NTM: variants seen among roughly 807,000 people sequenced by gnomAD.
NTM encodes neurotrimin, also known as IgLON family member 2.
In NTM, 13 loss-of-function variants were observed where a neutral mutation model predicts 42.1. The ratio of observed to expected loss-of-function variants is 0.31; its 90% CI spans 0.20 to 0.49. The LOEUF (loss-of-function observed/expected upper bound fraction) is 0.49. Among genes scored for constraint, NTM ranks in the 20% least tolerant of loss-of-function variants. The probability of loss-of-function intolerance (pLI) is 0.99; values close to 1 mark genes in which losing one functional copy is unlikely to be tolerated. For synonymous variants in NTM, 187 were observed against 179.2 expected, an observed-to-expected ratio of 1.04 and a Z score of -0.35; for missense variants, 373 against 452.8, an observed-to-expected ratio of 0.82 and a Z score of 1.60.
chr11:131,737,186 C>T (rs1012059884), intron 1 of NTM, among the ~76,000 whole-genome samples: 1 of 152,148 alleles, frequency 6.6e-6, no homozygotes, highest in Non-Finnish European at 1.5e-5. Flanking sequence ...GCTCATTTAA[C>T]GGAAGAGAAT....
At chr11:132,319,236 G>C (rs375000580) in intron 7 of NTM, among the ~76,000 whole-genome samples, 1 of 152,146 alleles carries the variant, frequency 6.6e-6, no homozygotes, top group East Asian at 1.9e-4. Flanking sequence ...CTGAGGTACC[G>C]GGTTCATCTC....
intron 4 of NTM, among the ~76,000 whole-genome samples, chr11:132,212,729 G>C (rs2083072571): frequency 6.6e-6 from 1 of 152,162 alleles, no homozygotes; most frequent in Admixed American, 6.5e-5. Context: ...GTGTTGTTTT[G>C]TGCTTTCATG....
intron 1 of NTM, among the ~76,000 whole-genome samples, chr11:131,618,584 G>A (rs2062191434): frequency 2.0e-5 from 3 of 152,172 alleles, no homozygotes; most frequent in Admixed American, 6.5e-5. Flanking sequence ...AGAGAGGTGG[G>A]CAGAAGACTT....
chr11:131,929,018 G>T (rs2058282506), intron 2 of NTM, among the ~76,000 whole-genome samples: 1 of 152,246 alleles, frequency 6.6e-6, no homozygotes, highest in African/African-American at 2.4e-5. Flanking sequence ...AGGAAAGAAA[G>T]TGTTCCACAT....
chr11:131,682,944 A>G (rs1477321574), intron 1 of NTM, among the ~76,000 whole-genome samples: 1 of 152,082 alleles, frequency 6.6e-6, no homozygotes, highest in Non-Finnish European at 1.5e-5. Context: ...TGAGCTGGAA[A>G]AGGCAGGTAG....
At chr11:131,856,849 G>A (rs1026948865) in intron 1 of NTM, among the ~76,000 whole-genome samples, 5 of 152,174 alleles carry the variant, frequency 3.3e-5, no homozygotes, top group South Asian at 2.1e-4. Flanking sequence ...AGGCAAGGAC[G>A]TTAAGGCCCA....
In NTM at chr11:132,317,849, C is replaced by T. The variant is rs146934181; in HGVS notation, c.934+3146C>T. Among the ~76,000 whole-genome samples the T allele has an allele frequency of 9.2e-5, 14 of 152,256 alleles. No homozygotes were observed. The East Asian group carries it at 2.7e-3, about 29-fold the overall frequency. On this transcript the variant is annotated intron_variant, in intron 7 of 8. Coordinates refer to ENST00000683400, the MANE Select transcript of NTM (RefSeq NM_001352005.2). ...GATTGATTGGGAGCCAGGGAGACTT[C>T]AAGCTCCCTTTGCTTTGCTCATCCC...
intron 2 of NTM, among the ~76,000 whole-genome samples, chr11:132,121,527 A>C (rs1275365247): frequency 2.0e-5 from 3 of 152,132 alleles, no homozygotes; most frequent in Non-Finnish European, 4.4e-5. Context: ...TATGAGTGAA[A>C]AGCTGGTTCA....
intron 1 of NTM, among the ~76,000 whole-genome samples, chr11:131,514,395 A>C (rs908771379): frequency 1.3e-5 from 2 of 152,150 alleles, no homozygotes; most frequent in African/African-American, 4.8e-5. Flanking sequence ...TATTGGCCTT[A>C]TTGGCAGTCT....
intron 2 of NTM, among the ~76,000 whole-genome samples, chr11:132,013,666 T>C (rs921283151): frequency 1.3e-5 from 2 of 152,142 alleles, no homozygotes; most frequent in African/African-American, 4.8e-5. Context: ...ACTATTTCAT[T>C]TGTATTAGCT....
At position 132,307,716 on chromosome 11, in the gene NTM, A is replaced by G; in HGVS notation, c.554A>G (p.Tyr185Cys). 2 of 1,614,216 alleles carry G rather than the reference A, an allele frequency of 1.2e-6. No homozygotes were observed. Among genetic ancestry groups the G allele is most frequent in the South Asian group, 1.1e-5 (1 of 91,080 alleles). The change falls in exon 5 of 9, where the codon TAC becomes TGC. Residue 185 changes from tyrosine (Y) to cysteine (C), a missense_variant. Coordinates refer to ENST00000683400, the MANE Select transcript of NTM (RefSeq NM_001352005.2). ...GTTGGCTTTGTGAGTGAAGACGAAT[A>G]CTTGGAAATTCAGGGCATCACCAGG... Reference protein sequence around the residue: ...KAVGFVSEDEYLEIQGITREQ... With the variant: ...KAVGFVSEDECLEIQGITREQ...
chr11:132,221,612 G>A lies in NTM; in HGVS notation c.526+9465G>A, dbSNP rs530153601. The stretch of plus-strand genomic sequence containing the variant: ...GCCCCAGCCTTACTGAACGACAGCT[G>A]TAAGGGTGGGGTCCAGCAGCCTGAT... On this transcript the variant is annotated intron_variant, in intron 4 of 8. Coordinates refer to ENST00000683400, the MANE Select transcript of NTM (RefSeq NM_001352005.2). 5.9e-5 allele frequency among the ~76,000 whole-genome samples: 9 copies of A among 152,282 alleles called. No individual in the cohort carries two copies. In the South Asian group the frequency reaches 1.2e-3, roughly 21 times the overall value.
chr11:131,971,603 C>G (rs11222853), intron 2 of NTM, among the ~76,000 whole-genome samples: 45,925 of 151,850 alleles, frequency 0.3, 8,096 homozygotes, highest in African/African-American at 0.48. Flanking sequence ...CTGGAACCAA[C>G]CTGCCTGGGT....
At chr11:131,925,385 T>C (rs57383513) in intron 2 of NTM, among the ~76,000 whole-genome samples, 23 of 131,474 alleles carry the variant, frequency 1.7e-4, no homozygotes, top group East Asian at 4.0e-4. Context: ...TCTTTTCTCT[T>C]TTTTTTTTTT....
intron 1 of NTM, among the ~76,000 whole-genome samples, chr11:131,742,732 G>A (rs1278130430): frequency 1.3e-5 from 2 of 152,172 alleles, no homozygotes; most frequent in Non-Finnish European, 2.9e-5. Context: ...AATAACCAAT[G>A]TAAATAGAAT....
At chr11:131,623,318 C>A (rs1357945621) in intron 1 of NTM, among the ~76,000 whole-genome samples, 1 of 152,164 alleles carries the variant, frequency 6.6e-6, no homozygotes, top group Non-Finnish European at 1.5e-5. Context: ...TTTTGAGAAT[C>A]CAGTGGAAAT....
At chr11:132,317,873 C>G (rs1317481635) in intron 7 of NTM, among the ~76,000 whole-genome samples, 5 of 152,240 alleles carry the variant, frequency 3.3e-5, no homozygotes, top group African/African-American at 9.6e-5. Flanking sequence ...TTTGCTCATC[C>G]CTTGCTCTCA....
chr11:132,067,802 T>C (rs1248768613), intron 2 of NTM, among the ~76,000 whole-genome samples: 1 of 152,212 alleles, frequency 6.6e-6, no homozygotes, highest in Non-Finnish European at 1.5e-5. Flanking sequence ...CTTTCCTTTT[T>C]TCATGAAGGG....
chr11:131,728,748 C>T (rs1448417201), intron 1 of NTM, among the ~76,000 whole-genome samples: 1 of 149,512 alleles, frequency 6.7e-6, no homozygotes, highest in Non-Finnish European at 1.5e-5. Context: ...TAACCTTGAG[C>T]CCCTCTGTCC....
Sources: allele counts gnomAD v4.1 joint callset (sites outside exome capture counted in the v4.1 genomes callset), GRCh38; gene constraint gnomAD v4.1.1; transcripts MANE v1.5; gene names NCBI Gene and HGNC (gene_info 2026-07-23, HGNC 2026-07-21).